Variants in ATP8A1 observed in about 807,000 individuals in gnomAD.
ATP8A1 encodes phospholipid-transporting ATPase IA.
A neutral mutation model predicts 177.7 loss-of-function variants in ATP8A1; 90 were observed. That is an observed-to-expected ratio of 0.51 (90% confidence interval 0.43 to 0.60). The LOEUF (loss-of-function observed/expected upper bound fraction) is 0.60. ATP8A1 is among the 20% of genes least tolerant of loss of function. ATP8A1 has a pLI of 0.00. For synonymous variants in ATP8A1, 493 were observed against 485.9 expected (o/e 1.01, Z -0.19); for missense variants, 1,072 against 1,392.8 (o/e 0.77, Z 3.67).
At chr4:42,450,089 G>T (rs1195603932) in intron 30 of ATP8A1, among the ~76,000 whole-genome samples, 1 of 152,064 alleles carries the variant, frequency 6.6e-6, no homozygotes, top group East Asian at 1.9e-4. Flanking sequence ...ATATCCTGTT[G>T]CTCCAAAAAG....
chr4:42,542,592 C>T (rs1413460347), intron 20 of ATP8A1, among the ~76,000 whole-genome samples: 1 of 152,134 alleles, frequency 6.6e-6, no homozygotes, highest in Non-Finnish European at 1.5e-5. Context: ...ATCCCTCCCT[C>T]AGCCCCCCAC....
At chr4:42,507,317 C>T (rs16854438) in intron 22 of ATP8A1, among the ~76,000 whole-genome samples, 163 bp from the exon 23 acceptor site, 10,295 of 152,226 alleles carry the variant, frequency 0.068, 1,151 homozygotes, top group African/African-American at 0.23. Context: ...ATATCCTTGA[C>T]TTTCATGCAG....
chr4:42,572,891 G>GT (rs1732049428), intron 14 of ATP8A1, among the ~76,000 whole-genome samples: 1 of 152,172 alleles, frequency 6.6e-6, no homozygotes, highest in South Asian at 2.1e-4. Context: ...GCTTCTGACT[G>GT]TATCTCAGGA....
At chr4:42,551,119 CT>C in intron 18 of ATP8A1, 78 bp downstream of exon 18, 1 of 1,197,754 alleles carries the variant, frequency 8.3e-7, no homozygotes, top group Non-Finnish European at 1.2e-6. Flanking sequence ...TACTATGAGC[CT>C]TTTGGTATTA....
chr4:42,632,147 T>C lies in ATP8A1; in HGVS notation c.50-5038A>G, dbSNP rs149129871. On this transcript the variant is annotated intron_variant, in intron 1 of 36. Transcript: ENST00000381668. ...GGAACTGAGCAAGGATCCTTTTCTA[T>C]GTATGAAAGCACATTTGTATAGCAG... Among the ~76,000 whole-genome samples the C allele has an allele frequency of 1.5e-3, 233 of 152,302 alleles. 1 individual carries two copies. Among genetic ancestry groups the C allele is most frequent in the Admixed American group, 2.5e-3 (39 of 15,296 alleles).
At chr4:42,504,077 A>G (rs1464417568) in intron 23 of ATP8A1, among the ~76,000 whole-genome samples, 1 of 152,206 alleles carries the variant, frequency 6.6e-6, no homozygotes, top group Admixed American at 6.5e-5. Context: ...GACTGTGTCT[A>G]AAGAGGCAAC....
rs111750907 is a variant in ATP8A1, at chr4:42,523,603, T to C, written c.1807+1160A>G. ...AGGGTAGTCATGGGGAGAAGTGTCA[T>C]CCAGCCCAGGGACAGAAAGAATAGG... On this transcript the variant is annotated intron_variant, in intron 21 of 36. Transcript: ENST00000381668. Among the ~76,000 whole-genome samples the C allele has an allele frequency of 1.2e-3, 182 of 152,192 alleles. 1 individual carries two copies. The highest frequency in any genetic ancestry group is 4.3e-3 in the African/African-American group (177 of 41,528).
At chr4:42,653,340 T>TTTCG (rs1741301535) in intron 1 of ATP8A1, among the ~76,000 whole-genome samples, 1 of 151,892 alleles carries the variant, frequency 6.6e-6, no homozygotes, top group African/African-American at 2.4e-5. Flanking sequence ...TTTGTGTGTG[T>TTTCG]TTTGTCTCCT....
chr4:42,412,948 C>G lies in ATP8A1; in HGVS notation c.3463G>C (p.Asp1155His), dbSNP rs975581993. Residue 1155 changes from aspartate to histidine, a missense_variant, in exon 37 of 37, where the codon GAT becomes CAT. Asp to His is a moderately conservative substitution (Grantham distance 81, BLOSUM62 -1). Around this residue, in one of 5 missense-constraint regions of ATP8A1, gnomAD observed 316 missense variants for 459.1 expected, o/e 0.69. Coordinates refer to ENST00000381668, the MANE Select transcript of ATP8A1 (RefSeq NM_006095.2). ...VSQSEVIRAY[D>H]TTKQRPDEW ...TCGTCGGGCCTCTGTTTCGTGGTAT[C>G]ATATGCTCTTATCACTTCAGACTGT... 1 of 1,613,552 alleles carries G rather than the reference C, an allele frequency of 6.2e-7. No homozygotes were observed. The highest frequency in any genetic ancestry group is 1.1e-5 in the South Asian group (1 of 91,060).
chr4:42,650,713 C>CT (rs760723964), intron 1 of ATP8A1, among the ~76,000 whole-genome samples: 49 of 152,262 alleles, frequency 3.2e-4, no homozygotes, highest in Middle Eastern at 3.4e-3. Context: ...TATATTTTAG[C>CT]ATTATAGTAT....
chr4:42,602,986 A>T (rs1735450281), intron 5 of ATP8A1, among the ~76,000 whole-genome samples: 3 of 152,080 alleles, frequency 2.0e-5, no homozygotes, highest in African/African-American at 7.2e-5. Context: ...TAGTGTCTAG[A>T]GCTCTGTATT....
chr4:42,586,688 G>A (rs1733646299), intron 8 of ATP8A1, among the ~76,000 whole-genome samples: 1 of 152,154 alleles, frequency 6.6e-6, no homozygotes, highest in Non-Finnish European at 1.5e-5. Context: ...GCACCTTTAT[G>A]AGAGTTCTTA....
intron 27 of ATP8A1, among the ~76,000 whole-genome samples, chr4:42,460,965 A>G (rs1719064243): frequency 6.6e-6 from 1 of 152,176 alleles, no homozygotes; most frequent in Non-Finnish European, 1.5e-5. Flanking sequence ...GGCAAATAAC[A>G]TATTTATCAT....
intron 1 of ATP8A1, among the ~76,000 whole-genome samples, chr4:42,631,021 A>G (rs1373524204): frequency 6.6e-6 from 1 of 152,230 alleles, no homozygotes; most frequent in African/African-American, 2.4e-5. Flanking sequence ...AATGTAATAG[A>G]TATTGTAAAT....
rs16854661 is a variant in ATP8A1, at chr4:42,653,657, T to C, written c.49+3168A>G. ...TTAGGATGTCCCTCCCTTATAACGA[T>C]GTGGCCCCCAACTGGCCCTGTTAGA... On this transcript the variant is annotated intron_variant, in intron 1 of 36. Coordinates refer to ENST00000381668, the MANE Select transcript of ATP8A1 (RefSeq NM_006095.2). 2.9e-3 allele frequency among the ~76,000 whole-genome samples: 445 copies of C among 152,364 alleles called. 4 individuals are homozygous for C. The highest frequency in any genetic ancestry group is 0.01 in the African/African-American group (422 of 41,582).
At chr4:42,432,424 G>T (rs1335536155) in intron 33 of ATP8A1, among the ~76,000 whole-genome samples, 5 of 152,180 alleles carry the variant, frequency 3.3e-5, no homozygotes, top group Non-Finnish European at 7.3e-5. Context: ...AATCAACTCT[G>T]CTTTCAGACA....
intron 30 of ATP8A1, among the ~76,000 whole-genome samples, chr4:42,450,909 CA>C (rs1262577877): frequency 1.3e-5 from 2 of 152,178 alleles, no homozygotes; most frequent in Non-Finnish European, 2.9e-5. Flanking sequence ...TGAAGACATA[CA>C]GGCTGACAAG....
intron 20 of ATP8A1, among the ~76,000 whole-genome samples, chr4:42,531,171 T>C (rs1041887828): frequency 6.6e-6 from 1 of 152,134 alleles, no homozygotes; most frequent in Non-Finnish European, 1.5e-5. Context: ...GCGAATCCAT[T>C]AGGGCGACTC....
intron 4 of ATP8A1, among the ~76,000 whole-genome samples, chr4:42,622,158 C>T (rs961672205): frequency 5.9e-5 from 9 of 151,514 alleles, no homozygotes; most frequent in Admixed American, 4.6e-4. Context: ...GGTGGATCAC[C>T]TGAGGTCAGA....
Sources: gnomAD v4.1 joint callset for allele counts (sites outside exome capture counted in the v4.1 genomes callset) on GRCh38, gnomAD v4.1.1 for gene constraint, gnomAD v4.1.1 regional missense constraint, MANE v1.5 for transcripts, NCBI Gene and HGNC (gene_info 2026-07-23, HGNC 2026-07-21) for gene names.